The following SDK1 variants were observed in gnomAD, a reference collection of about 807,000 sequenced individuals.
SDK1 encodes the protein sidekick cell adhesion molecule 1, also known as protein sidekick-1.
SDK1 carries 157 observed loss-of-function variants against 245.5 expected under a neutral mutation model. The ratio of observed to expected loss-of-function variants is 0.64; its 90% confidence interval spans 0.56 to 0.73. The LOEUF is 0.73. Ranked by LOEUF, SDK1 falls within the 30% of genes least tolerant of loss-of-function variation. The pLI is 0.00. For synonymous variants in SDK1, 1,647 were observed against 1,278.5 expected (o/e 1.29, Z -6.15); for missense variants, 3,583 against 3,002.3 (o/e 1.19, Z -4.52).
At chr7:3,469,577 T>G (rs996679050) in intron 1 of SDK1, among the ~76,000 whole-genome samples, 2 of 152,234 alleles carry the variant, frequency 1.3e-5, no homozygotes, top group Non-Finnish European at 2.9e-5. Flanking sequence ...ATTCCTAGGT[T>G]GTTTTTGCAA....
intron 44 of SDK1, among the ~76,000 whole-genome samples, chr7:4,256,523 A>G (rs1410868066): frequency 6.6e-6 from 1 of 152,258 alleles, no homozygotes; most frequent in Non-Finnish European, 1.5e-5. Context: ...CAAAAGCTGT[A>G]GCATTGGTTT....
chr7:3,941,581 A>G (rs985406351), intron 5 of SDK1, among the ~76,000 whole-genome samples: 4 of 151,940 alleles, frequency 2.6e-5, no homozygotes, highest in African/African-American at 9.7e-5. Flanking sequence ...GGGGATGCCT[A>G]TCCATCTTCC....
chr7:4,130,156 T>C (rs1159010410), intron 27 of SDK1, 59 bp downstream of exon 27: 1 of 1,464,130 alleles, frequency 6.8e-7, no homozygotes, highest in Non-Finnish European at 9.2e-7. Flanking sequence ...GCCTTTCCAA[T>C]GCAAACAATT....
intron 20 of SDK1, among the ~76,000 whole-genome samples, chr7:4,075,194 G>A (rs1186057407): frequency 1.3e-5 from 2 of 152,078 alleles, no homozygotes; most frequent in Non-Finnish European, 2.9e-5. Context: ...CCAGCAGCCA[G>A]GCCTCCCCTC....
At chr7:3,605,299 A>G (rs532048806) in intron 1 of SDK1, among the ~76,000 whole-genome samples, 78 of 152,344 alleles carry the variant, frequency 5.1e-4, no homozygotes, top group African/African-American at 1.7e-3. Flanking sequence ...GTATAATTCT[A>G]TCTGTAAGGA....
intron 1 of SDK1, among the ~76,000 whole-genome samples, chr7:3,480,640 C>T (rs537933361): frequency 5.3e-5 from 8 of 152,350 alleles, no homozygotes; most frequent in African/African-American, 1.9e-4. Flanking sequence ...TCTCTTGTCT[C>T]AGCCTGTTTG....
intron 5 of SDK1, among the ~76,000 whole-genome samples, chr7:3,886,403 AC>A (rs1394656787): frequency 6.6e-6 from 1 of 152,204 alleles, no homozygotes; most frequent in African/African-American, 2.4e-5. Flanking sequence ...GCTGCACCAG[AC>A]CATCGGGGTA....
intron 4 of SDK1, among the ~76,000 whole-genome samples, chr7:3,676,528 T>C (rs1481738975): frequency 6.6e-6 from 1 of 151,992 alleles, no homozygotes; most frequent in Non-Finnish European, 1.5e-5. Flanking sequence ...GGTTTCACCC[T>C]GTTAGCCGGG....
chr7:4,075,254 G>A (rs1212232652), intron 20 of SDK1, among the ~76,000 whole-genome samples: 1 of 152,164 alleles, frequency 6.6e-6, no homozygotes, highest in Non-Finnish European at 1.5e-5. Context: ...CCACACGGGA[G>A]TCCCCTCAGC....
At chr7:4,228,376 C>G (rs1043561788) in intron 40 of SDK1, among the ~76,000 whole-genome samples, 5 of 152,222 alleles carry the variant, frequency 3.3e-5, no homozygotes, top group Admixed American at 2.0e-4. Flanking sequence ...CCTCCACAGA[C>G]ATGAAGTGGC....
intron 13 of SDK1, among the ~76,000 whole-genome samples, chr7:3,975,885 C>A (rs1173220380): frequency 6.6e-6 from 1 of 152,258 alleles, no homozygotes; most frequent in Non-Finnish European, 1.5e-5. Flanking sequence ...GGTCCTGGTG[C>A]TGCAGCTGCA....
chr7:3,680,013 T>TAA (rs35259761), intron 4 of SDK1, among the ~76,000 whole-genome samples: 5 of 152,092 alleles, frequency 3.3e-5, no homozygotes, highest in Non-Finnish European at 5.9e-5. Flanking sequence ...TTGAGATTAG[T>TAA]AAAAAAATCA....
At chr7:3,532,002 T>A (rs1410574483) in intron 1 of SDK1, among the ~76,000 whole-genome samples, 1 of 152,236 alleles carries the variant, frequency 6.6e-6, no homozygotes, top group Non-Finnish European at 1.5e-5. Flanking sequence ...GATCATAAAT[T>A]AGTTTTCCAG....
At chr7:4,262,258 G>A (rs910196036) in intron 44 of SDK1, among the ~76,000 whole-genome samples, 1 of 151,270 alleles carries the variant, frequency 6.6e-6, no homozygotes, top group African/African-American at 2.4e-5. Context: ...GGCTGGTCTC[G>A]AACTCCTGAC....
At chr7:4,246,248 G>GC (rs767824237) in intron 44 of SDK1, among the ~76,000 whole-genome samples, 13 of 152,176 alleles carry the variant, frequency 8.5e-5, no homozygotes, top group Admixed American at 2.6e-4. Flanking sequence ...TGTGGGTGTT[G>GC]CCTGGGTGCC....
At chr7:4,120,806 G>A (rs1784009562) in intron 25 of SDK1, among the ~76,000 whole-genome samples, 2 of 151,820 alleles carry the variant, frequency 1.3e-5, no homozygotes, top group Non-Finnish European at 2.9e-5. Flanking sequence ...AGTAGAGATG[G>A]GGTTTCACCA....
chr7:3,324,378 C>A (rs887753056), intron 1 of SDK1, among the ~76,000 whole-genome samples: 1 of 152,110 alleles, frequency 6.6e-6, no homozygotes, highest in African/African-American at 2.4e-5. Context: ...AGAAGCCTTA[C>A]CTACTCAATA....
intron 1 of SDK1, among the ~76,000 whole-genome samples, chr7:3,496,808 A>C (rs1057314675): frequency 6.6e-6 from 1 of 152,202 alleles, no homozygotes; most frequent in Non-Finnish European, 1.5e-5. Flanking sequence ...CACAAATTCA[A>C]GGTAAATTTG....
intron 4 of SDK1, among the ~76,000 whole-genome samples, chr7:3,816,919 T>TTA (rs1554266038): frequency 5.3e-5 from 8 of 152,178 alleles, no homozygotes; most frequent in Admixed American, 3.9e-4. Context: ...TGACCTTCTG[T>TTA]TAATGTACTT....
Sources: gnomAD v4.1 joint callset for allele counts (sites outside exome capture counted in the v4.1 genomes callset) on GRCh38, gnomAD v4.1.1 for gene constraint, MANE v1.5 for transcripts, NCBI Gene and HGNC (gene_info 2026-07-23, HGNC 2026-07-21) for gene names.